The following ZNF76 variants were observed in gnomAD, a reference collection of about 807,000 sequenced individuals.
ZNF76 encodes zinc finger protein 523.
ZNF76 carries 66 observed loss-of-function variants against 66.9 expected under a neutral mutation model. The observed-to-expected ratio is 0.99, with a 90% CI of 0.81 to 1.21. ZNF76 has a LOEUF of 1.21. ZNF76 is among the 50% of genes most tolerant of loss of function. The pLI is 0.00. For missense variants in ZNF76, 729 were observed against 760.3 expected, an observed-to-expected ratio of 0.96 and a Z score of 0.48; for synonymous variants, 275 against 296.1, an observed-to-expected ratio of 0.93 and a Z score of 0.73.
At chr6:35,293,362 G>C (rs141316836) in intron 11 of ZNF76, among the ~76,000 whole-genome samples, 143 of 152,326 alleles carry the variant, frequency 9.4e-4, no homozygotes, top group African/African-American at 3.3e-3. Flanking sequence ...ATAGCAGCCA[G>C]AACATGGTAT....
chr6:35,286,990 G>C (rs1052537746), intron 4 of ZNF76, among the ~76,000 whole-genome samples: 3 of 152,138 alleles, frequency 2.0e-5, no homozygotes, highest in Admixed American at 6.5e-5. Flanking sequence ...TGAGCTGAGA[G>C]GTAAAGAATG....
chr6:35,263,332 A>C (rs916362544), intron 1 of ZNF76, among the ~76,000 whole-genome samples: 1 of 152,182 alleles, frequency 6.6e-6, no homozygotes, highest in Non-Finnish European at 1.5e-5. Flanking sequence ...CTTGCTGTAT[A>C]TGCCCTCAGA....
chr6:35,283,273 A>G (rs1038607862), intron 2 of ZNF76, among the ~76,000 whole-genome samples: 1 of 152,042 alleles, frequency 6.6e-6, no homozygotes, highest in African/African-American at 2.4e-5. Context: ...GCAAACACAC[A>G]CTCACTCACA....
At position 35,293,923 on chromosome 6, in the gene ZNF76, C is replaced by A. The variant is rs748115725; in HGVS notation, c.1494+8C>A. 1.2e-6 allele frequency: 2 copies of A among 1,613,418 alleles called. No individual in the cohort carries two copies. The highest frequency in any genetic ancestry group is 2.2e-5 in the South Asian group (2 of 91,040). On this transcript the variant is annotated splice_region_variant and intron_variant, in intron 12 of 13. Transcript: ENST00000373953. The stretch of plus-strand genomic sequence containing the variant: ...GGCACCCAGACGCAGCCCGTATGAC[C>A]AGGCGGTTTGCTTGGGGTTTCTTAT...
Position 35,291,034 on chromosome 6 carries a change from C to A in ZNF76, c.626-244C>A, listed in dbSNP as rs995717785. 9 of 600,354 alleles carry A rather than the reference C, an allele frequency of 1.5e-5. No individual in the cohort carries two copies. In the African/African-American group the frequency reaches 1.7e-4, roughly 11 times the overall value. 37.2% of individuals were successfully genotyped at this position (600,354 alleles called of 1,614,324 possible). On this transcript the variant is annotated intron_variant, in intron 7 of 13. Transcript: ENST00000373953. Reference sequence around the variant, plus strand: ...TATTTTCCCCTCTGTGAAACTAGTACCTTTAGCCATGAGTTCTCTAAGTTT... The same window carrying A: ...TATTTTCCCCTCTGTGAAACTAGTAACTTTAGCCATGAGTTCTCTAAGTTT...
intron 5 of ZNF76, among the ~76,000 whole-genome samples, chr6:35,288,949 TAAAAA>T (rs34352057): frequency 2.1e-5 from 2 of 95,776 alleles, no homozygotes; most frequent in African/African-American, 4.0e-5. Context: ...AGATCCTATC[TAAAAA>T]AAAAAAAAAA....
intron 2 of ZNF76, among the ~76,000 whole-genome samples, chr6:35,284,985 A>G (rs1248613797): frequency 1.3e-5 from 2 of 152,242 alleles, no homozygotes; most frequent in Non-Finnish European, 2.9e-5. Context: ...TGTTGGGATT[A>G]TAGGCATGAG....
intron 2 of ZNF76, among the ~76,000 whole-genome samples, chr6:35,285,686 C>T (rs989206840): frequency 6.6e-6 from 1 of 152,162 alleles, no homozygotes; most frequent in Admixed American, 6.5e-5. Flanking sequence ...CACAGGGGCT[C>T]CTGGTCTTAG....
At chr6:35,268,851 G>A (rs1000138451) in intron 1 of ZNF76, among the ~76,000 whole-genome samples, 10 of 151,628 alleles carry the variant, frequency 6.6e-5, no homozygotes, top group Non-Finnish European at 1.3e-4. Context: ...TTAACAGATG[G>A]CCCTAACCTG....
intron 1 of ZNF76, among the ~76,000 whole-genome samples, chr6:35,272,307 GTAAA>G (rs1391252937): frequency 1.3e-5 from 2 of 152,152 alleles, no homozygotes; most frequent in Non-Finnish European, 2.9e-5. Flanking sequence ...ATAGATGTAA[GTAAA>G]TAAATAAATT....
chr6:35,294,310 C>A (rs1354831472), intron 12 of ZNF76, 146 bp from the exon 13 acceptor site: 4 of 634,700 alleles, frequency 6.3e-6, no homozygotes, highest in Non-Finnish European at 1.1e-5. Flanking sequence ...TAGCTCTGAG[C>A]CTCAGGCTAA....
At chr6:35,291,787 C>G (rs1366949862) in intron 9 of ZNF76, 50 bp downstream of exon 9, 2 of 1,586,158 alleles carry the variant, frequency 1.3e-6, no homozygotes, top group African/African-American at 1.3e-5. Context: ...CCCAACCCCT[C>G]TACTGTAGGC....
intron 1 of ZNF76, among the ~76,000 whole-genome samples, chr6:35,276,089 T>C (rs767269221): frequency 1.3e-5 from 2 of 152,230 alleles, no homozygotes; most frequent in Non-Finnish European, 2.9e-5. Context: ...ATCTGTAAAA[T>C]GGGTATAATA....
intron 1 of ZNF76, among the ~76,000 whole-genome samples, chr6:35,272,808 T>A (rs1030463269): frequency 2.0e-5 from 3 of 152,114 alleles, no homozygotes; most frequent in Non-Finnish European, 4.4e-5. Context: ...TGGCAATTAT[T>A]TTTGTAGAGA....
At chr6:35,272,907 A>G (rs1287437280) in intron 1 of ZNF76, among the ~76,000 whole-genome samples, 1 of 152,090 alleles carries the variant, frequency 6.6e-6, no homozygotes. Flanking sequence ...TAATCCCAGC[A>G]CTTTGGGAGG....
Position 35,294,561 on chromosome 6 carries a change from G to T in ZNF76, c.1600G>T (p.Ala534Ser). 1 of 1,611,600 alleles carries T rather than the reference G, an allele frequency of 6.2e-7. No homozygotes were observed. Among genetic ancestry groups the T allele is most frequent in the Non-Finnish European group, 8.5e-7 (1 of 1,177,664 alleles). The change falls in exon 13 of 14, where the codon GCA (alanine) becomes TCA (serine). Residue 534 changes from alanine to serine, a missense_variant. Ala to Ser is a moderately conservative substitution (Grantham distance 99). Coordinates refer to ENST00000373953, the MANE Select transcript of ZNF76 (RefSeq NM_003427.5). ...GGCCACAGCCAACGGAACGCACATT[G>T]CAGTGCAGGTGAGTAGAGATCTGGG... Reference protein sequence around the residue: ...LLATANGTHIAVQLEEQQTLE... With the variant: ...LLATANGTHISVQLEEQQTLE...
intron 12 of ZNF76, 114 bp downstream of exon 12, chr6:35,294,029 A>C: frequency 1.5e-6 from 2 of 1,295,794 alleles, no homozygotes; most frequent in South Asian, 1.5e-5. Context: ...AAGATTCCCC[A>C]CAAAAGAAGG....
intron 5 of ZNF76, among the ~76,000 whole-genome samples, chr6:35,289,552 C>T (rs1240654734): frequency 1.3e-5 from 2 of 152,170 alleles, no homozygotes; most frequent in African/African-American, 4.8e-5. Context: ...CCACCAGGAC[C>T]CTGCCCAGGA....
At chr6:35,272,507 GTGTGTA>G (rs1431766878) in intron 1 of ZNF76, among the ~76,000 whole-genome samples, 23 of 98,022 alleles carry the variant, frequency 2.3e-4, no homozygotes, top group South Asian at 1.4e-3. Flanking sequence ...GTGTGTGTGT[GTGTGTA>G]TGTATATGCA....
Sources: allele counts gnomAD v4.1 joint callset (sites outside exome capture counted in the v4.1 genomes callset), GRCh38; gene constraint gnomAD v4.1.1; transcripts MANE v1.5; gene names NCBI Gene and HGNC (gene_info 2026-07-23, HGNC 2026-07-21).